The following COL6A3 variants were observed in gnomAD, a reference collection of about 807,000 sequenced individuals.
The protein encoded by COL6A3 is collagen alpha-3(VI) chain.
COL6A3 carries 137 observed loss-of-function variants against 274.1 expected under a neutral mutation model. That is an observed-to-expected ratio of 0.50 (90% CI 0.44 to 0.58). The LOEUF (loss-of-function observed/expected upper bound fraction) is 0.58, where lower values mean the gene tolerates loss of function less well. Among genes scored for constraint, COL6A3 ranks in the 20% least tolerant of loss-of-function variants. The pLI is 0.00. For missense variants in COL6A3, 3,950 were observed against 4,124.9 expected (o/e 0.96, Z 1.16); for synonymous variants, 1,650 against 1,650.6 (o/e 1.00, Z 0.01).
intron 2 of COL6A3, 44 bp downstream of exon 2, chr2:237,396,683 A>G (rs2078448944): frequency 1.3e-6 from 2 of 1,583,184 alleles, no homozygotes; most frequent in East Asian, 4.5e-5. Context: ...AAATCAAAGA[A>G]TGATATTCCT....
At position 237,361,316 on chromosome 2, in the gene COL6A3, A is replaced by G. The variant is rs1574978887; in HGVS notation, c.6157-142T>C. 2 of 747,290 alleles carry G rather than the reference A, an allele frequency of 2.7e-6. No individual in the cohort carries two copies. The highest frequency in any genetic ancestry group is 5.4e-5 in the East Asian group (2 of 37,254). 46.3% of individuals were successfully genotyped at this position (747,290 alleles called of 1,614,324 possible). On this transcript the variant is annotated intron_variant, in intron 15 of 43. Coordinates refer to ENST00000295550, the MANE Select transcript of COL6A3 (RefSeq NM_004369.4). The surrounding 1 kb of genome is among the most constrained non-coding windows in gnomAD (Gnocchi z 5.1). ...CCCTGTTACTGCTTTTCCCCTCAGT[A>G]CACCATGTCACGATTCTCTCTATCA...
rs1452038229 is a variant in COL6A3 at position 237,407,599 on chromosome 2, T to A, written c.-31+6354A>T. Among the ~76,000 whole-genome samples, 1 of 152,214 alleles carries A rather than the reference T, an allele frequency of 6.6e-6. No individual in the cohort carries two copies. Among genetic ancestry groups the A allele is most frequent in the Admixed American group, 6.5e-5 (1 of 15,282 alleles). The stretch of plus-strand genomic sequence containing the variant: ...TCCTCAGAGGTGGGTCTCCTTCCCA[T>A]TACAAAGGCAATTAAGAAACTCCAG... On this transcript the variant is annotated intron_variant, in intron 1 of 43. Coordinates refer to ENST00000295550, the MANE Select transcript of COL6A3 (RefSeq NM_004369.4). The surrounding 1 kb of genome is among the most constrained non-coding windows in gnomAD (Gnocchi z 4.3).
chr2:237,390,630 TCA>T (rs1359151570), intron 3 of COL6A3, among the ~76,000 whole-genome samples: 15 of 152,358 alleles, frequency 9.8e-5, no homozygotes, highest in South Asian at 2.1e-4. Flanking sequence ...CAAGGAAAAT[TCA>T]CAGTTTCCTT....
At chr2:237,394,502 T>C (rs2078376042) in intron 3 of COL6A3, 85 bp downstream of exon 3, 1 of 1,573,888 alleles carries the variant, frequency 6.4e-7, no homozygotes, top group Non-Finnish European at 8.7e-7. Flanking sequence ...CCCGCCATCC[T>C]AGCTGTTGCT....
intron 3 of COL6A3, among the ~76,000 whole-genome samples, chr2:237,389,223 TCGAGAAA>T (rs2106380613): frequency 6.6e-6 from 1 of 152,290 alleles, no homozygotes; most frequent in East Asian, 1.9e-4. Context: ...GGAATAGGGA[TCGAGAAA>T]TCTAAAAGTC....
chr2:237,401,600 G>GGT (rs2078591212), intron 1 of COL6A3, among the ~76,000 whole-genome samples: 1 of 151,992 alleles, frequency 6.6e-6, no homozygotes. Context: ...TATCATTGTA[G>GGT]GTGTATAATA....
Position 237,363,143 on chromosome 2 carries a change from GC to G in COL6A3, c.6063+109del, listed in dbSNP as rs11287247. 491,475 of 898,254 alleles carry G rather than the reference GC, an allele frequency of 0.55. 133,681 individuals are homozygous for G. Among genetic ancestry groups the G allele is most frequent in the African/African-American group, 0.79 (47,140 of 59,704 alleles). The allele number at this position is 898,254 out of a possible 1,614,324, so 55.6% of individuals were successfully genotyped here. A position where few individuals can be genotyped will look rare whatever the true frequency, so the allele number is the denominator to read the frequency against. The stretch of plus-strand genomic sequence containing the variant: ...TAAATAAATTTAACTATCTACCAAG[GC>G]CCCCCCCCCACCTCCATTCACCTGC... On this transcript the variant is annotated intron_variant, in intron 14 of 43. Transcript: ENST00000295550.
chr2:237,366,077 TGAG>T, intron 11 of COL6A3, 42 bp from the exon 12 acceptor site: 2 of 1,574,440 alleles, frequency 1.3e-6, no homozygotes, highest in Non-Finnish European at 1.7e-6. Flanking sequence ...CAGCTGGGGC[TGAG>T]GAGACGAACT....
rs562443134 is a variant in COL6A3, at chr2:237,379,167, G to A, written c.1966C>T (p.Pro656Ser). 6.2e-7 allele frequency: 1 copy of A among 1,614,180 alleles called. No homozygotes were observed. Among genetic ancestry groups the A allele is most frequent in the East Asian group, 2.2e-5 (1 of 44,890 alleles). The change falls in exon 6 of 44, where the codon CCT (proline) becomes TCT (serine). Residue 656 changes from proline (P) to serine (S), a missense_variant. By Grantham distance (74) the Pro-to-Ser change is moderately conservative. Around this residue, in one of 5 missense-constraint regions of COL6A3, gnomAD observed 1,934 missense variants for 1,984.3 expected, o/e 0.97. Coordinates refer to ENST00000295550, the MANE Select transcript of COL6A3 (RefSeq NM_004369.4). ...GSANVGKTNF[P>S]YVRDFVMNLV... The stretch of plus-strand genomic sequence containing the variant: ...TTCATTACAAAGTCGCGCACATAAG[G>A]GAAATTGGTTTTTCCAACGTTGGCT...
chr2:237,367,764 G>C (rs887177315), intron 10 of COL6A3, among the ~76,000 whole-genome samples: 1 of 152,236 alleles, frequency 6.6e-6, no homozygotes. Context: ...TTGGAAAATA[G>C]GAAGAGGCCC....
At position 237,396,174 on chromosome 2, in the gene COL6A3, A is replaced by G. The variant is rs74446637; in HGVS notation, c.91+553T>C. Among the ~76,000 whole-genome samples, 219 of 152,300 alleles carry G rather than the reference A, an allele frequency of 1.4e-3. 3 individuals carry two copies. Among genetic ancestry groups the G allele is most frequent in the Non-Finnish European group, 1.9e-3 (126 of 68,018 alleles). On this transcript the variant is annotated intron_variant, in intron 2 of 43. Transcript: ENST00000295550. ...GCTTGCAATGCATGAAGCATTTCCCACTTTTCTAAAACTCTGAAATCAAAT... is the reference window on the plus strand; with the variant it reads ...GCTTGCAATGCATGAAGCATTTCCCGCTTTTCTAAAACTCTGAAATCAAAT...
chr2:237,409,954 A>T (rs536259191), intron 1 of COL6A3, among the ~76,000 whole-genome samples: 1 of 152,228 alleles, frequency 6.6e-6, no homozygotes, highest in Admixed American at 6.5e-5. Flanking sequence ...GGGAACAAAG[A>T]TGCCTCCTTT....
chr2:237,340,971 G>T lies in COL6A3; in HGVS notation c.7945C>A (p.Leu2649Met). 1 of 1,614,214 alleles carries T rather than the reference G, an allele frequency of 6.2e-7. No homozygotes were observed. Among genetic ancestry groups the T allele is most frequent in the Non-Finnish European group, 8.5e-7 (1 of 1,180,038 alleles). Residue 2649 changes from leucine (L) to methionine (M), a missense_variant, in exon 38 of 44, where the codon CTG becomes ATG. By Grantham distance (15) the Leu-to-Met change is conservative (BLOSUM62 2). Around this residue, in one of 5 missense-constraint regions of COL6A3, gnomAD observed 1,284 missense variants for 1,349.7 expected, o/e 0.95. Transcript: ENST00000295550. ...GCCTTGGGATCTGGGCTCATGTCCA[G>T]TTGTCTGACCAGGTACGCTATGTAC... ...KKYIAYLVRQ[L>M]DMSPDPKASQ...
At chr2:237,406,483 A>C (rs1218100022) in intron 1 of COL6A3, among the ~76,000 whole-genome samples, 2 of 152,160 alleles carry the variant, frequency 1.3e-5, no homozygotes, top group Non-Finnish European at 2.9e-5. Context: ...GAGCAGTGGA[A>C]ATAGTCAAAG....
chr2:237,384,289 C>A (rs2078087854), intron 4 of COL6A3, among the ~76,000 whole-genome samples: 1 of 152,114 alleles, frequency 6.6e-6, no homozygotes, highest in African/African-American at 2.4e-5. Context: ...ACATAAATAT[C>A]AACCCAAACA....
rs60589035 is a variant in COL6A3, at chr2:237,397,017, TGATAGATAGATA to T, written c.-30-182_-30-171del. 5.7e-4 allele frequency among the ~76,000 whole-genome samples: 84 copies of T among 146,110 alleles called. No individual in the cohort carries two copies. In the East Asian group the frequency reaches 6.3e-3, roughly 11 times the overall value. On this transcript the variant is annotated intron_variant, in intron 1 of 43. Coordinates refer to ENST00000295550, the MANE Select transcript of COL6A3 (RefSeq NM_004369.4). ...GATGGATGATAGACAGTTAGATAGA[TGATAGATAGATA>T]GATAGATAGATAGATAGATAGATAG...
At position 237,387,896 on chromosome 2, in the gene COL6A3, T is replaced by C; in HGVS notation, c.998A>G (p.His333Arg). The change falls in exon 4 of 44, where the codon CAC (histidine) becomes CGC (arginine). Residue 333 changes from histidine to arginine, a missense_variant. By Grantham distance (29) the His-to-Arg change is conservative. This residue lies in a region of COL6A3 where 1,934 missense variants were observed against 1,984.3 expected (regional missense o/e 0.97). Coordinates refer to ENST00000295550, the MANE Select transcript of COL6A3 (RefSeq NM_004369.4). Reference protein sequence around the residue: ...GLALDFVVENHFTRAGGSRVE... With the variant: ...GLALDFVVENRFTRAGGSRVE... ...GCGGCTGCCCCCTGCCCGGGTGAAG[T>C]GGTTCTCCACCACGAAATCAAGGGC... 6.2e-7 allele frequency: 1 copy of C among 1,614,054 alleles called. No individual in the cohort carries two copies. Among genetic ancestry groups the C allele is most frequent in the Non-Finnish European group, 8.5e-7 (1 of 1,179,988 alleles).
intron 16 of COL6A3, among the ~76,000 whole-genome samples, chr2:237,360,786 C>T (rs72986141): frequency 0.028 from 4,248 of 152,240 alleles, 90 homozygotes; most frequent in Non-Finnish European, 0.038. Context: ...CCTGCTGTGT[C>T]CCTGCCCCTC....
rs752181057 is a variant in COL6A3, at chr2:237,344,376, C to T, written c.7642G>A (p.Asp2548Asn). The T allele has an allele frequency of 6.2e-7, 1 of 1,614,222 alleles. No homozygotes were observed. Among genetic ancestry groups the T allele is most frequent in the South Asian group, 1.1e-5 (1 of 91,086 alleles). ...TGCAAAGCGTTGATGAGCTGCCGGTCTTCCTGCCTTGTAAGGAACAAGGGG... is the reference window on the plus strand; with the variant it reads ...TGCAAAGCGTTGATGAGCTGCCGGTTTTCCTGCCTTGTAAGGAACAAGGGG... ...ITPLFLTRQEDRQLINALQIN... is the reference protein window; with the variant it reads ...ITPLFLTRQENRQLINALQIN... Residue 2548 changes from aspartate to asparagine, a missense_variant, in exon 36 of 44, where the codon GAC (aspartate) becomes AAC (asparagine). By Grantham distance (23) the Asp-to-Asn change is conservative. Coordinates refer to ENST00000295550, the MANE Select transcript of COL6A3 (RefSeq NM_004369.4). The surrounding 1 kb of genome is among the most constrained non-coding windows in gnomAD (Gnocchi z 4.8).
Sources: gnomAD v4.1 joint callset for allele counts (sites outside exome capture counted in the v4.1 genomes callset) on GRCh38, gnomAD v4.1.1 for gene constraint, gnomAD v4.1.1 regional missense constraint, Gnocchi (gnomAD v3.1) non-coding constraint, MANE v1.5 for transcripts, NCBI Gene and HGNC (gene_info 2026-07-23, HGNC 2026-07-21) for gene names.